Variants in CNBD1 observed in about 807,000 individuals in gnomAD.
The protein encoded by CNBD1 is cyclic nucleotide-binding domain-containing protein 1.
A neutral mutation model predicts 54.4 loss-of-function variants in CNBD1; 71 were observed. That is an observed-to-expected ratio of 1.30 (90% CI 1.08 to 1.59). The LOEUF (loss-of-function observed/expected upper bound fraction) is 1.59. Ranked by LOEUF, CNBD1 falls within the 40% of genes most tolerant of loss-of-function variation. CNBD1 has a pLI of 0.00. For synonymous variants in CNBD1, 182 were observed against 170.7 expected, an observed-to-expected ratio of 1.07 and a Z score of -0.51; for missense variants, 659 against 518.0, an observed-to-expected ratio of 1.27 and a Z score of -2.64.
intron 2 of CNBD1, among the ~76,000 whole-genome samples, chr8:86,891,958 G>T (rs1379411663): frequency 6.6e-6 from 1 of 151,796 alleles, no homozygotes; most frequent in African/African-American, 2.4e-5. Context: ...ATAGCTTTTG[G>T]TGGAGTCTCT....
intron 8 of CNBD1, among the ~76,000 whole-genome samples, chr8:87,328,362 T>C (rs989256533): frequency 1.3e-5 from 2 of 151,962 alleles, no homozygotes; most frequent in Admixed American, 1.3e-4. Context: ...TTTTAACTAC[T>C]TTATTTAATA....
At chr8:87,344,936 G>A (rs1383082715) in intron 8 of CNBD1, among the ~76,000 whole-genome samples, 1 of 152,146 alleles carries the variant, frequency 6.6e-6, no homozygotes, top group Non-Finnish European at 1.5e-5. Context: ...TAACTAGAAT[G>A]TATGACTAAA....
chr8:87,184,959 A>G (rs965364628), intron 4 of CNBD1, among the ~76,000 whole-genome samples: 1 of 152,114 alleles, frequency 6.6e-6, no homozygotes, highest in Non-Finnish European at 1.5e-5. Flanking sequence ...TTTTAAAATT[A>G]TCTTTTGAGT....
intron 4 of CNBD1, among the ~76,000 whole-genome samples, chr8:86,994,071 C>T (rs1201473404): frequency 6.6e-6 from 1 of 152,184 alleles, no homozygotes; most frequent in Non-Finnish European, 1.5e-5. Context: ...GTCAATGATC[C>T]TGCATGTTTC....
intron 10 of CNBD1, among the ~76,000 whole-genome samples, chr8:87,360,027 A>G (rs779889470): frequency 2.0e-5 from 3 of 152,034 alleles, no homozygotes; most frequent in East Asian, 1.9e-4. Flanking sequence ...ATTAATGCTT[A>G]TCTTTCTCCA....
At position 87,112,225 on chromosome 8, in the gene CNBD1, C is replaced by G. The variant is rs973666224; in HGVS notation, c.432-93768C>G. On this transcript the variant is annotated intron_variant, in intron 4 of 10. Transcript: ENST00000518476. ...TGTCTTCTCTGAGCTTCTTATGGAG[C>G]ATTGTTTTTAGTGCATCTCTAAGCA... is the stretch of plus-strand genomic sequence containing the variant. Among the ~76,000 whole-genome samples the G allele has an allele frequency of 7.9e-5, 12 of 152,256 alleles. No homozygotes were observed. In the South Asian group the frequency reaches 2.3e-3, roughly 29 times the overall value.
intron 6 of CNBD1, among the ~76,000 whole-genome samples, chr8:87,260,021 A>G (rs1220239902): frequency 6.6e-6 from 1 of 152,174 alleles, no homozygotes; most frequent in Non-Finnish European, 1.5e-5. Flanking sequence ...ACAGACATTA[A>G]ACCAGAAAAG....
intron 4 of CNBD1, among the ~76,000 whole-genome samples, chr8:87,157,564 A>C (rs999237606): frequency 1.3e-5 from 2 of 152,182 alleles, no homozygotes; most frequent in Non-Finnish European, 1.5e-5. Flanking sequence ...AATGCAGCAG[A>C]ATAAGCTTGG....
intron 4 of CNBD1, among the ~76,000 whole-genome samples, chr8:87,117,586 T>C (rs1026518343): frequency 2.0e-5 from 3 of 152,140 alleles, no homozygotes; most frequent in Admixed American, 6.5e-5. Context: ...TTTCCTCTTT[T>C]TATTTACTGC....
chr8:87,143,158 G>C (rs1336696237), intron 4 of CNBD1, among the ~76,000 whole-genome samples: 1 of 152,154 alleles, frequency 6.6e-6, no homozygotes, highest in Non-Finnish European at 1.5e-5. Context: ...TTGAATTACA[G>C]CAGGTTCACC....
intron 4 of CNBD1, among the ~76,000 whole-genome samples, chr8:87,133,353 G>A (rs1187965170): frequency 6.6e-6 from 1 of 152,004 alleles, no homozygotes; most frequent in Non-Finnish European, 1.5e-5. Context: ...GGAGTCATTT[G>A]CCTGTGTTTC....
chr8:86,876,267 A>T (rs1265298954), intron 1 of CNBD1, among the ~76,000 whole-genome samples: 1 of 151,728 alleles, frequency 6.6e-6, no homozygotes, highest in Admixed American at 6.6e-5. Context: ...CAAGGCAATT[A>T]ATTTACTTAG....
intron 4 of CNBD1, among the ~76,000 whole-genome samples, chr8:87,057,197 G>C (rs1168260083): frequency 6.6e-6 from 1 of 152,146 alleles, no homozygotes; most frequent in Non-Finnish European, 1.5e-5. Context: ...ATTTACAAAG[G>C]AAAGAGGTTT....
chr8:87,277,765 C>G (rs550925646), intron 6 of CNBD1, among the ~76,000 whole-genome samples: 1 of 151,554 alleles, frequency 6.6e-6, no homozygotes. Context: ...AATAAAGTAC[C>G]TCAGAGAAAG....
At chr8:87,224,411 AT>A (rs1388064718) in intron 5 of CNBD1, among the ~76,000 whole-genome samples, 6 of 151,578 alleles carry the variant, frequency 4.0e-5, no homozygotes, top group African/African-American at 1.5e-4. Context: ...TCTTGAATTG[AT>A]TTTTGTATAA....
At chr8:87,039,543 A>G (rs1485440419) in intron 4 of CNBD1, among the ~76,000 whole-genome samples, 2 of 151,898 alleles carry the variant, frequency 1.3e-5, no homozygotes, top group African/African-American at 2.4e-5. Context: ...TCTCACTTCC[A>G]GTTTCTTTTG....
At chr8:87,323,518 A>G (rs1175865276) in intron 8 of CNBD1, among the ~76,000 whole-genome samples, 1 of 121,182 alleles carries the variant, frequency 8.3e-6, no homozygotes. Context: ...GGTCCTTCAC[A>G]TCCCTTGTAA....
intron 8 of CNBD1, among the ~76,000 whole-genome samples, chr8:87,332,237 A>G (rs1174727928): frequency 6.6e-6 from 1 of 151,290 alleles, no homozygotes; most frequent in Non-Finnish European, 1.5e-5. Flanking sequence ...AATTCCAGTT[A>G]TTCTGGAGGC....
At chr8:87,183,215 C>T (rs1335602678) in intron 4 of CNBD1, among the ~76,000 whole-genome samples, 1 of 152,020 alleles carries the variant, frequency 6.6e-6, no homozygotes, top group African/African-American at 2.4e-5. Context: ...GTTGTAGGTG[C>T]ACAGCTTTAT....
Sources: gnomAD v4.1 joint callset for allele counts (sites outside exome capture counted in the v4.1 genomes callset) on GRCh38, gnomAD v4.1.1 for gene constraint, MANE v1.5 for transcripts, NCBI Gene and HGNC (gene_info 2026-07-23, HGNC 2026-07-21) for gene names.